The following GPC5 variants were observed in gnomAD, a reference collection of about 807,000 sequenced individuals.
The protein encoded by GPC5 is glypican 5.
Under a neutral mutation model 53.9 loss-of-function variants are expected in GPC5, and 47 were observed. The observed-to-expected ratio is 0.87, with a 90% CI of 0.69 to 1.11. The LOEUF (loss-of-function observed/expected upper bound fraction) is 1.11. GPC5 is among the 50% of genes most tolerant of loss of function. GPC5 has a pLI of 0.00. For synonymous variants in GPC5, 286 were observed against 263.3 expected (o/e 1.09, Z -0.84); for missense variants, 748 against 713.1 (o/e 1.05, Z -0.56).
chr13:92,090,957 T>C (rs764114579), intron 6 of GPC5, among the ~76,000 whole-genome samples: 4 of 152,228 alleles, frequency 2.6e-5, no homozygotes, highest in Admixed American at 6.5e-5. Flanking sequence ...TGTCTTTCTC[T>C]TTTTTGTGCC....
chr13:91,886,306 T>A (rs1159512219), intron 5 of GPC5, among the ~76,000 whole-genome samples: 2 of 152,016 alleles, frequency 1.3e-5, no homozygotes, highest in Admixed American at 6.6e-5. Context: ...GAAAAACCCA[T>A]CCCCATGATT....
chr13:91,707,129 CA>C (rs2036122793), intron 3 of GPC5, among the ~76,000 whole-genome samples: 1 of 152,044 alleles, frequency 6.6e-6, no homozygotes, highest in Admixed American at 6.6e-5. Context: ...CTAATTAATA[CA>C]ATTAGACACT....
chr13:92,678,298 G>A (rs1426282833), intron 7 of GPC5, among the ~76,000 whole-genome samples: 1 of 152,168 alleles, frequency 6.6e-6, no homozygotes, highest in African/African-American at 2.4e-5. Flanking sequence ...TCAGGTGGTG[G>A]TAAGTGCTGT....
At chr13:91,545,741 G>A (rs1280299397) in intron 2 of GPC5, among the ~76,000 whole-genome samples, 1 of 151,846 alleles carries the variant, frequency 6.6e-6, no homozygotes, top group Admixed American at 6.6e-5. Context: ...CCATTCCACT[G>A]TAATCCCATA....
chr13:91,847,090 G>T (rs112056626), intron 5 of GPC5, among the ~76,000 whole-genome samples: 27 of 151,824 alleles, frequency 1.8e-4, no homozygotes, highest in African/African-American at 6.0e-4. Context: ...GCGGTGGCGG[G>T]CACCTGTAGT....
intron 7 of GPC5, among the ~76,000 whole-genome samples, chr13:92,192,501 T>C (rs750474518): frequency 6.6e-6 from 1 of 152,232 alleles, no homozygotes; most frequent in Non-Finnish European, 1.5e-5. Context: ...GTGATAACAA[T>C]GATCATTCCT....
At chr13:92,179,458 C>G (rs2042131146) in intron 7 of GPC5, among the ~76,000 whole-genome samples, 1 of 152,180 alleles carries the variant, frequency 6.6e-6, no homozygotes, top group African/African-American at 2.4e-5. Flanking sequence ...TTAGGTTCAA[C>G]AGCTAGGCTC....
intron 7 of GPC5, among the ~76,000 whole-genome samples, chr13:92,590,010 A>T (rs4324007): frequency 0.68 from 103,559 of 151,920 alleles, 35,702 homozygotes; most frequent in East Asian, 0.87. Context: ...GTTGTTGGGA[A>T]CAGACAACGT....
intron 7 of GPC5, among the ~76,000 whole-genome samples, chr13:92,145,356 T>A (rs111508909): frequency 6.6e-6 from 1 of 152,104 alleles, no homozygotes; most frequent in East Asian, 1.9e-4. Context: ...AATTAAAAAA[T>A]TACATCATTA....
At chr13:91,700,779 G>A (rs117494999) in intron 3 of GPC5, among the ~76,000 whole-genome samples, 3,250 of 152,186 alleles carry the variant, frequency 0.021, 62 homozygotes, top group Admixed American at 0.059. Context: ...CAAATTACGT[G>A]TCAAATGTGC....
chr13:91,729,406 A>G (rs1267658143), intron 4 of GPC5, among the ~76,000 whole-genome samples: 3 of 152,176 alleles, frequency 2.0e-5, no homozygotes, highest in Non-Finnish European at 2.9e-5. Context: ...GGCAAACACT[A>G]GATTCTAAGT....
chr13:92,297,000 C>G (rs2043040906), intron 7 of GPC5, among the ~76,000 whole-genome samples: 1 of 152,260 alleles, frequency 6.6e-6, no homozygotes, highest in African/African-American at 2.4e-5. Context: ...GCACCACCCC[C>G]TGCTCCATGG....
rs573258089 is a variant in GPC5, at chr13:91,558,597, G to A, written c.325+109675G>A. On this transcript the variant is annotated intron_variant, in intron 2 of 7. Transcript: ENST00000377067. ...CCTGTAGCACTTGGTTAGTATGTGG[G>A]ACATCCAGTGACACTCATCCCTGGC... Among the ~76,000 whole-genome samples, 149 of 152,182 alleles carry A rather than the reference G, an allele frequency of 9.8e-4. 1 individual carries two copies. Among genetic ancestry groups the A allele is most frequent in the Admixed American group, 2.8e-3 (43 of 15,280 alleles).
chr13:91,596,177 T>C (rs1343104515), intron 2 of GPC5, among the ~76,000 whole-genome samples: 4 of 152,230 alleles, frequency 2.6e-5, no homozygotes, highest in Admixed American at 2.6e-4. Context: ...TTTAATGTAA[T>C]TAATAAAGCA....
chr13:92,488,754 C>T (rs1879653435), intron 7 of GPC5, among the ~76,000 whole-genome samples: 2 of 152,166 alleles, frequency 1.3e-5, no homozygotes, highest in Admixed American at 6.6e-5. Flanking sequence ...TTGCATTTCT[C>T]TTGATTCATG....
At chr13:92,512,546 A>G (rs888115417) in intron 7 of GPC5, among the ~76,000 whole-genome samples, 3 of 123,750 alleles carry the variant, frequency 2.4e-5, no homozygotes, top group African/African-American at 9.1e-5. Flanking sequence ...TCAGAAAGTT[A>G]TCAACATAAT....
chr13:92,786,045 T>C (rs1056572607), intron 7 of GPC5, among the ~76,000 whole-genome samples: 5 of 152,230 alleles, frequency 3.3e-5, no homozygotes, highest in African/African-American at 1.2e-4. Flanking sequence ...TTTCCACTGA[T>C]GGATGTTGTA....
intron 5 of GPC5, among the ~76,000 whole-genome samples, chr13:91,812,242 A>G (rs11839974): frequency 0.14 from 21,036 of 152,194 alleles, 1,609 homozygotes; most frequent in African/African-American, 0.19. Flanking sequence ...TTTTAAGTTG[A>G]TTAAATCTTA....
At chr13:91,535,758 A>T (rs2138696878) in intron 2 of GPC5, among the ~76,000 whole-genome samples, 1 of 152,254 alleles carries the variant, frequency 6.6e-6, no homozygotes, top group East Asian at 1.9e-4. Context: ...TAACAGGGAG[A>T]TCCCACCCAG....
Sources: allele counts gnomAD v4.1 joint callset (sites outside exome capture counted in the v4.1 genomes callset), GRCh38; gene constraint gnomAD v4.1.1; transcripts MANE v1.5; gene names NCBI Gene and HGNC (gene_info 2026-07-23, HGNC 2026-07-21).